TENM2: variants seen among roughly 807,000 people sequenced by gnomAD.
TENM2 encodes the protein teneurin-2.
A neutral mutation model predicts 245.2 loss-of-function variants in TENM2; 52 were observed. The observed-to-expected ratio is 0.21, with a 90% CI of 0.17 to 0.27. The LOEUF (loss-of-function observed/expected upper bound fraction) is 0.27, where lower values mean the gene tolerates loss of function less well. Among genes scored for constraint, TENM2 ranks in the 10% least tolerant of loss-of-function variants. The pLI, the probability that TENM2 is intolerant of heterozygous loss-of-function variation, is 1.00. For synonymous variants in TENM2, 1,363 were observed against 1,438.9 expected (o/e 0.95, Z 1.19); for missense variants, 3,046 against 3,666.8 (o/e 0.83, Z 4.37).
At chr5:167,452,599 A>G (rs1765650185) in intron 2 of TENM2, among the ~76,000 whole-genome samples, 1 of 152,094 alleles carries the variant, frequency 6.6e-6, no homozygotes, top group South Asian at 2.1e-4. Flanking sequence ...GTCTTTCTCA[A>G]AATGGCCTTC....
intron 1 of TENM2, among the ~76,000 whole-genome samples, chr5:167,356,604 C>G (rs2127250029): frequency 6.6e-6 from 1 of 152,272 alleles, no homozygotes; most frequent in Middle Eastern, 3.4e-3. Flanking sequence ...TGATAATGGC[C>G]AAATGGCCAG....
At chr5:167,412,165 A>G (rs1245086224) in intron 2 of TENM2, among the ~76,000 whole-genome samples, 2 of 152,108 alleles carry the variant, frequency 1.3e-5, no homozygotes, top group African/African-American at 4.8e-5. Flanking sequence ...AGAATCTCCA[A>G]AGCTCTTAGA....
chr5:167,775,215 G>T (rs111304691), intron 2 of TENM2, among the ~76,000 whole-genome samples: 2 of 152,082 alleles, frequency 1.3e-5, no homozygotes, highest in African/African-American at 4.8e-5. Flanking sequence ...TGATCTGCCC[G>T]CCTCGGCCTC....
At chr5:167,960,260 G>A (rs1021052311) in intron 4 of TENM2, among the ~76,000 whole-genome samples, 1 of 152,214 alleles carries the variant, frequency 6.6e-6, no homozygotes, top group Non-Finnish European at 1.5e-5. Context: ...AGCCGGCAGG[G>A]TGGGAATGTT....
the TENM2 span, among the ~76,000 whole-genome samples, chr5:167,072,168 G>A: frequency 1.3e-5 from 2 of 152,160 alleles, no homozygotes; most frequent in Admixed American, 6.5e-5. Flanking sequence ...CAGACAAGGC[G>A]GGGCTCATTG....
intron 2 of TENM2, among the ~76,000 whole-genome samples, chr5:167,386,199 A>G (rs746884481): frequency 6.6e-6 from 1 of 152,070 alleles, no homozygotes; most frequent in Non-Finnish European, 1.5e-5. Context: ...TTTTTTGATT[A>G]TAGCCATTCT....
chr5:168,185,452 G>C (rs1173892760), intron 13 of TENM2, among the ~76,000 whole-genome samples: 1 of 151,992 alleles, frequency 6.6e-6, no homozygotes, highest in African/African-American at 2.4e-5. Context: ...CTACCATCGT[G>C]ATCATCATCA....
intron 25 of TENM2, among the ~76,000 whole-genome samples, chr5:168,241,308 T>C (rs1234369117): frequency 6.6e-6 from 1 of 151,852 alleles, no homozygotes; most frequent in South Asian, 2.1e-4. Context: ...CAGGGTGGGG[T>C]GCAGTGGCAT....
intron 3 of TENM2, among the ~76,000 whole-genome samples, chr5:167,923,105 C>T (rs1310480592): frequency 2.0e-5 from 3 of 152,148 alleles, no homozygotes; most frequent in Admixed American, 6.5e-5. Context: ...AGGTAGATCA[C>T]CTGAGTTCAG....
intron 2 of TENM2, among the ~76,000 whole-genome samples, chr5:167,850,427 A>T (rs1475092808): frequency 6.6e-6 from 1 of 152,192 alleles, no homozygotes; most frequent in Non-Finnish European, 1.5e-5. Flanking sequence ...GGATTCATTA[A>T]GGAAGGGGAT....
intron 9 of TENM2, among the ~76,000 whole-genome samples, chr5:168,105,731 G>A (rs1794189926): frequency 6.6e-6 from 1 of 152,066 alleles, no homozygotes; most frequent in Non-Finnish European, 1.5e-5. Context: ...CTGGCAATTT[G>A]TAACATTTTC....
At chr5:167,945,836 C>T (rs1054118841) in intron 3 of TENM2, among the ~76,000 whole-genome samples, 3 of 152,218 alleles carry the variant, frequency 2.0e-5, no homozygotes, top group Non-Finnish European at 2.9e-5. Flanking sequence ...CCCCCTGATA[C>T]AGGCCTGTGC....
chr5:168,098,261 A>G (rs966405847), intron 9 of TENM2, 134 bp downstream of exon 11: 7 of 664,236 alleles, frequency 1.1e-5, no homozygotes, highest in African/African-American at 9.1e-5. Flanking sequence ...CATGCATGCC[A>G]GAAGGCATAA....
intron 2 of TENM2, among the ~76,000 whole-genome samples, chr5:167,674,794 T>G (rs192142587): frequency 1.3e-5 from 2 of 152,236 alleles, no homozygotes; most frequent in East Asian, 3.9e-4. Context: ...ACAGAAATGT[T>G]ATCTTTCTAA....
chr5:167,193,697 C>T, the TENM2 span, among the ~76,000 whole-genome samples: 3 of 151,904 alleles, frequency 2.0e-5, no homozygotes, highest in South Asian at 6.3e-4. Flanking sequence ...AATATGAGGC[C>T]TGTAAAAATA....
chr5:168,233,825 G>A (rs1247232467), intron 25 of TENM2, among the ~76,000 whole-genome samples: 1 of 152,192 alleles, frequency 6.6e-6, no homozygotes, highest in Non-Finnish European at 1.5e-5. Context: ...TTACTTGACG[G>A]CATCAAGAGA....
the TENM2 span, among the ~76,000 whole-genome samples, chr5:167,060,877 T>TTGG: frequency 4.4e-3 from 664 of 152,212 alleles, 3 homozygotes; most frequent in African/African-American, 0.015. Flanking sequence ...GGCTGGCATA[T>TTGG]TGGACATCAC....
intron 2 of TENM2, among the ~76,000 whole-genome samples, chr5:167,531,532 T>C (rs1358859325): frequency 6.6e-6 from 1 of 152,076 alleles, no homozygotes; most frequent in East Asian, 1.9e-4. Flanking sequence ...TTTTCAAATA[T>C]ACTATGCTTT....
chr5:167,231,754 G>T, the TENM2 span, among the ~76,000 whole-genome samples: 2 of 152,200 alleles, frequency 1.3e-5, no homozygotes, highest in African/African-American at 4.8e-5. Context: ...GCCAGCTGTA[G>T]AAATTTGCAT....
Sources: allele counts gnomAD v4.1 joint callset (sites outside exome capture counted in the v4.1 genomes callset), GRCh38; gene constraint gnomAD v4.1.1; transcripts MANE v1.5; gene names NCBI Gene and HGNC (gene_info 2026-07-23, HGNC 2026-07-21).